The following PIEZO2 variants were observed in gnomAD, a reference collection of about 807,000 sequenced individuals.
PIEZO2 encodes the protein piezo-type mechanosensitive ion channel component 2.
PIEZO2 carries 172 observed loss-of-function variants against 337.3 expected under a neutral mutation model. The ratio of observed to expected loss-of-function variants is 0.51; its 90% CI spans 0.45 to 0.58. PIEZO2 has a LOEUF of 0.58. Ranked by LOEUF, PIEZO2 falls within the 20% of genes least tolerant of loss-of-function variation. The pLI is 0.00. For missense variants in PIEZO2, 3,028 were observed against 3,391.3 expected (o/e 0.89, Z 2.66); for synonymous variants, 1,251 against 1,228.5 (o/e 1.02, Z -0.38).
At chr18:10,803,479 C>A (rs1261390886) in intron 9 of PIEZO2, among the ~76,000 whole-genome samples, 1 of 152,142 alleles carries the variant, frequency 6.6e-6, no homozygotes, top group African/African-American at 2.4e-5. Context: ...AATTGTCTGC[C>A]AAATACCCAA....
chr18:10,981,140 G>A (rs375210551), intron 2 of PIEZO2, among the ~76,000 whole-genome samples: 7 of 151,616 alleles, frequency 4.6e-5, no homozygotes, highest in South Asian at 2.1e-4. Context: ...AACATTAATC[G>A]TATATATATA....
intron 1 of PIEZO2, among the ~76,000 whole-genome samples, chr18:11,090,456 G>C (rs1429850731): frequency 6.6e-6 from 1 of 152,140 alleles, no homozygotes; most frequent in Non-Finnish European, 1.5e-5. Context: ...ACAGTCTAAT[G>C]GGTTTACAAT....
rs767628867 is a variant in PIEZO2, at chr18:10,726,800, T to C, written c.5029+4607A>G. 8.0e-5 allele frequency: 125 copies of C among 1,554,242 alleles called. No individual in the cohort carries two copies. Among genetic ancestry groups the C allele is most frequent in the Admixed American group, 1.8e-4 (10 of 56,850 alleles). On this transcript the variant is annotated intron_variant, in intron 36 of 55. Coordinates refer to ENST00000674853, the MANE Select transcript of PIEZO2 (RefSeq NM_001378183.1). The surrounding 1 kb of genome is among the most constrained non-coding windows in gnomAD (Gnocchi z 5.9). ...GTGTCCTATGAGGATGTGGACCACC[T>C]GCGGCCCCATGGGGTGCTGGATAAT... is the stretch of plus-strand genomic sequence containing the variant.
chr18:11,077,151 G>A lies in PIEZO2; in HGVS notation c.65-10929C>T, dbSNP rs903391835. Among the ~76,000 whole-genome samples, 9 of 152,172 alleles carry A rather than the reference G, an allele frequency of 5.9e-5. No individual in the cohort carries two copies. The highest frequency in any genetic ancestry group is 2.1e-4 in the South Asian group (1 of 4,828). ...AAAGAGCCCTTCACTGAAATCCACA[G>A]TTCCTAAGCCTACCAAAATAAAACT... On this transcript the variant is annotated intron_variant, in intron 1 of 55. Coordinates refer to ENST00000674853, the MANE Select transcript of PIEZO2 (RefSeq NM_001378183.1). This position sits in a 1 kb window ranked among gnomAD's most constrained non-coding sequence, Gnocchi z 4.8.
At chr18:11,008,975 G>A (rs551987433) in intron 2 of PIEZO2, among the ~76,000 whole-genome samples, 52 of 152,310 alleles carry the variant, frequency 3.4e-4, no homozygotes, top group African/African-American at 1.1e-3. Flanking sequence ...GGAAACAGAC[G>A]TAGGAATCTT....
intron 3 of PIEZO2, among the ~76,000 whole-genome samples, chr18:10,974,316 TAA>T (rs2034356204): frequency 6.6e-6 from 1 of 152,048 alleles, no homozygotes; most frequent in African/African-American, 2.4e-5. Context: ...CATGTGCTTG[TAA>T]AAAGAGAAAA....
At chr18:11,074,045 AC>A (rs1272928183) in intron 1 of PIEZO2, among the ~76,000 whole-genome samples, 1 of 151,962 alleles carries the variant, frequency 6.6e-6, no homozygotes, top group Non-Finnish European at 1.5e-5. Context: ...ATGGGGTTTC[AC>A]TGTATTAGCC....
intron 4 of PIEZO2, among the ~76,000 whole-genome samples, chr18:10,880,178 A>G (rs1568158939): frequency 6.6e-6 from 1 of 152,004 alleles, no homozygotes; most frequent in Non-Finnish European, 1.5e-5. Context: ...AATATGAAAG[A>G]TACTACACCA....
chr18:10,914,067 T>C (rs2030713735), intron 3 of PIEZO2, among the ~76,000 whole-genome samples: 2 of 152,186 alleles, frequency 1.3e-5, no homozygotes, highest in Admixed American at 1.3e-4. Context: ...GCACCACGAA[T>C]ATTTCTGGCA....
At chr18:10,735,101 G>A (rs73387095) in intron 35 of PIEZO2, among the ~76,000 whole-genome samples, 131 bp downstream of exon 35, 2,282 of 152,168 alleles carry the variant, frequency 0.015, 54 homozygotes, top group African/African-American at 0.043. Flanking sequence ...AATATTTTAC[G>A]TTCCTGTAAT....
chr18:10,765,115 G>A (rs779469988), intron 21 of PIEZO2, among the ~76,000 whole-genome samples: 1 of 152,244 alleles, frequency 6.6e-6, no homozygotes, highest in Non-Finnish European at 1.5e-5. Context: ...CATCCCCTGA[G>A]GATTCCCTGC....
At chr18:10,913,039 C>T (rs1182202945) in intron 3 of PIEZO2, among the ~76,000 whole-genome samples, 1 of 151,614 alleles carries the variant, frequency 6.6e-6, no homozygotes, top group Non-Finnish European at 1.5e-5. Flanking sequence ...GGAGTGGGTC[C>T]CATGTGAATG....
intron 3 of PIEZO2, among the ~76,000 whole-genome samples, chr18:10,948,328 T>C (rs2145296602): frequency 6.6e-6 from 1 of 152,302 alleles, no homozygotes; most frequent in East Asian, 1.9e-4. Flanking sequence ...CAAAGCTTCT[T>C]TACGAGATAA....
intron 7 of PIEZO2, among the ~76,000 whole-genome samples, chr18:10,823,818 T>C (rs779589375): frequency 1.3e-5 from 2 of 152,232 alleles, no homozygotes; most frequent in Non-Finnish European, 1.5e-5. Context: ...CATTTTTTAA[T>C]TGAATGTAAT....
intron 27 of PIEZO2, among the ~76,000 whole-genome samples, chr18:10,755,780 C>A (rs2037813100): frequency 6.6e-6 from 1 of 152,068 alleles, no homozygotes; most frequent in South Asian, 2.1e-4. Context: ...TAGGGAGCCA[C>A]CCCTCCTCAG....
rs689178 is a variant in PIEZO2 at position 10,679,890 on chromosome 18, G to A, written c.7952+309C>T. Among the ~76,000 whole-genome samples, 107,577 of 151,980 alleles carry A rather than the reference G, an allele frequency of 0.71. 40,200 individuals carry two copies. The highest frequency in any genetic ancestry group is 0.82 in the Non-Finnish European group (55,819 of 67,970). ...AGCTAATAAAATACAGTGGATTTTG[G>A]AATGCAAAAATAAAAAACAGCAACA... is the stretch of plus-strand genomic sequence containing the variant. On this transcript the variant is annotated intron_variant, in intron 52 of 55. Coordinates refer to ENST00000674853, the MANE Select transcript of PIEZO2 (RefSeq NM_001378183.1).
chr18:10,786,924 C>A lies in PIEZO2; in HGVS notation c.2318+112G>T, dbSNP rs1367362104. The A allele has an allele frequency of 4.8e-5, 51 of 1,057,116 alleles. No individual in the cohort carries two copies. In the East Asian group the frequency reaches 1.4e-3, roughly 28 times the overall value. The allele number at this position is 1,057,116 out of a possible 1,614,324, so 65.5% of individuals were successfully genotyped here. On this transcript the variant is annotated intron_variant, in intron 16 of 55. Transcript: ENST00000674853. The stretch of plus-strand genomic sequence containing the variant: ...AGTTTTAATTTCTATTATTGAGGAA[C>A]TTATAGACATTGATGACATCATGCT...
At position 10,857,151 on chromosome 18, in the gene PIEZO2, C is replaced by G. The variant is rs2041729827; in HGVS notation, c.553G>C (p.Gly185Arg). ...TCCAACTCGCCTTCAACACCATCTC[C>G]TCCATTGAAATCCTCTTCATAGATC... ...ALIYEEDFNG[G>R]DGVEGELEES... is the part of the protein sequence containing the mutation. Residue 185 changes from glycine (G) to arginine (R), a missense_variant, in exon 6 of 56, where the codon GGA (glycine) becomes CGA (arginine). Physicochemically the swap from Gly to Arg is moderately radical, Grantham distance 125 (BLOSUM62 -2). Coordinates refer to ENST00000674853, the MANE Select transcript of PIEZO2 (RefSeq NM_001378183.1). The G allele has an allele frequency of 1.3e-6, 2 of 1,537,764 alleles. No individual in the cohort carries two copies. Among genetic ancestry groups the G allele is most frequent in the Admixed American group, 2.0e-5 (1 of 50,994 alleles).
At chr18:10,869,718 T>C (rs1454907585) in intron 5 of PIEZO2, among the ~76,000 whole-genome samples, 1 of 152,236 alleles carries the variant, frequency 6.6e-6, no homozygotes, top group Non-Finnish European at 1.5e-5. Context: ...GCATGCCTTA[T>C]GGTGTCAAGT....
Sources: allele counts gnomAD v4.1 joint callset (sites outside exome capture counted in the v4.1 genomes callset), GRCh38; gene constraint gnomAD v4.1.1; non-coding constraint Gnocchi (gnomAD v3.1); transcripts MANE v1.5; gene names NCBI Gene and HGNC (gene_info 2026-07-23, HGNC 2026-07-21).